Variants in P4HA3 observed in about 807,000 individuals in gnomAD.
The protein encoded by P4HA3 is prolyl 4-hydroxylase subunit alpha-3.
A neutral mutation model predicts 66.7 loss-of-function variants in P4HA3; 60 were observed. The ratio of observed to expected loss-of-function variants is 0.90; its 90% CI spans 0.73 to 1.12. The LOEUF (loss-of-function observed/expected upper bound fraction) is 1.12. Among genes scored for constraint, P4HA3 ranks in the 50% most tolerant of loss-of-function variants. P4HA3 has a pLI of 0.00. For missense variants in P4HA3, 683 were observed against 685.8 expected, an observed-to-expected ratio of 1.00 and a Z score of 0.05; for synonymous variants, 263 against 274.6, an observed-to-expected ratio of 0.96 and a Z score of 0.42.
intron 9 of P4HA3, among the ~76,000 whole-genome samples, chr11:74,275,184 G>A (rs570346424): frequency 5.9e-5 from 9 of 152,182 alleles, no homozygotes; most frequent in African/African-American, 1.9e-4. Flanking sequence ...AATTTGATAA[G>A]GTCCAATTTA....
chr11:74,270,050 GAC>G (rs986117462), intron 10 of P4HA3, among the ~76,000 whole-genome samples: 1 of 151,674 alleles, frequency 6.6e-6, no homozygotes. Context: ...AATGACCCAA[GAC>G]ACACACACAT....
intron 1 of P4HA3, among the ~76,000 whole-genome samples, chr11:74,305,713 T>C (rs1016232052): frequency 1.3e-5 from 2 of 152,026 alleles, no homozygotes; most frequent in African/African-American, 4.8e-5. Context: ...CAAGACGAGG[T>C]CTAATACTCA....
At chr11:74,287,180 G>T in intron 5 of P4HA3, 2 of 1,273,546 alleles carry the variant, frequency 1.6e-6, no homozygotes, top group Non-Finnish European at 2.0e-6. Flanking sequence ...TGGCCTGCTG[G>T]CCTCTTTGCA....
At chr11:74,263,206 T>G (rs537276115), downstream of P4HA3, among the ~76,000 whole-genome samples, 123 of 152,398 alleles carry the variant, frequency 8.1e-4, no homozygotes, top group African/African-American at 2.9e-3. Context: ...CGTCTTCTTT[T>G]CTTGGATTCT....
intron 7 of P4HA3, among the ~76,000 whole-genome samples, 186 bp from the exon 8 acceptor site, chr11:74,279,638 T>C (rs1860521667): frequency 6.6e-6 from 1 of 152,228 alleles, no homozygotes; most frequent in African/African-American, 2.4e-5. Context: ...TAAAAGATCA[T>C]AAGTGACCAA....
Position 74,306,393 on chromosome 11 carries a change from T to A in P4HA3, c.201-1981A>T, listed in dbSNP as rs188557276. ...TCCATTTCTAAAACACCAATGGAAT[T>A]TATATTACTGAAATTTATTATCTAT... On this transcript the variant is annotated intron_variant, in intron 1 of 12. Transcript: ENST00000331597. 2.5e-3 allele frequency among the ~76,000 whole-genome samples: 383 copies of A among 152,316 alleles called. 2 individuals carry two copies. Among genetic ancestry groups the A allele is most frequent in the Non-Finnish European group, 3.0e-3 (201 of 68,024 alleles).
chr11:74,291,923 C>CT (rs1861041829), intron 4 of P4HA3, among the ~76,000 whole-genome samples: 1 of 152,174 alleles, frequency 6.6e-6, no homozygotes, highest in African/African-American at 2.4e-5. Context: ...GGTTGTGTCT[C>CT]TGCCGGGCTT....
At chr11:74,251,066 C>T in intron 15 of P4HA3, 1 of 1,556,202 alleles carries the variant, frequency 6.4e-7, no homozygotes, top group Non-Finnish European at 8.7e-7. Flanking sequence ...TGAGAATAAC[C>T]CTGGATGTCA....
At chr11:74,270,740 T>C (rs927896895) in intron 10 of P4HA3, among the ~76,000 whole-genome samples, 4 of 152,226 alleles carry the variant, frequency 2.6e-5, no homozygotes, top group African/African-American at 9.6e-5. Context: ...GGCTCTTCCA[T>C]GATGGAGTCA....
rs567355387 is a variant in P4HA3, at chr11:74,291,926, C to G, written c.718-2796G>C. Among the ~76,000 whole-genome samples, 11 of 152,114 alleles carry G rather than the reference C, an allele frequency of 7.2e-5. No individual in the cohort carries two copies. The South Asian group carries it at 2.1e-3, about 29-fold the overall frequency. ...ATTCTCTTTTTTGGTTGTGTCTCTG[C>G]CGGGCTTTGGTATCAGGATGATGCT... On this transcript the variant is annotated intron_variant, in intron 4 of 12. Coordinates refer to ENST00000331597, the MANE Select transcript of P4HA3 (RefSeq NM_182904.5).
intron 10 of P4HA3, among the ~76,000 whole-genome samples, chr11:74,273,060 TCA>T (rs1459748404): frequency 6.6e-6 from 1 of 152,236 alleles, no homozygotes; most frequent in Admixed American, 6.5e-5. Context: ...TCACTAAACA[TCA>T]GAGGCAGCAC....
intron 1 of P4HA3, among the ~76,000 whole-genome samples, chr11:74,306,798 G>A (rs1425979205): frequency 6.6e-6 from 1 of 152,156 alleles, no homozygotes; most frequent in East Asian, 1.9e-4. Context: ...ATAAACTAAG[G>A]AACAAGAACC....
At position 74,311,229 on chromosome 11, in the gene P4HA3, G is replaced by T. The variant is rs543854731; in HGVS notation, c.200+183C>A. On this transcript the variant is annotated intron_variant, in intron 1 of 12. Coordinates refer to ENST00000331597, the MANE Select transcript of P4HA3 (RefSeq NM_182904.5). ...GACAATGGGTCTAGGGGGTCACACT[G>T]GCCCTCAGAGCCACTCCCCACCCCA... 4.4e-6 allele frequency: 3 copies of T among 674,302 alleles called. No individual in the cohort carries two copies. In the East Asian group the frequency reaches 1.0e-4, roughly 23 times the overall value. The allele number at this position is 674,302 out of a possible 1,614,324, so 41.8% of individuals were successfully genotyped here. A position where few individuals can be genotyped will look rare whatever the true frequency, so the allele number is the denominator to read the frequency against.
chr11:74,280,315 G>T (rs1309536379), intron 7 of P4HA3, among the ~76,000 whole-genome samples: 1 of 151,546 alleles, frequency 6.6e-6, no homozygotes, highest in Non-Finnish European at 1.5e-5. Context: ...CACCAAACCT[G>T]GCTAATTTAA....
chr11:74,261,054 C>G (rs1039949136), intron 14 of P4HA3, among the ~76,000 whole-genome samples: 1 of 152,224 alleles, frequency 6.6e-6, no homozygotes, highest in Non-Finnish European at 1.5e-5. Context: ...TGTGCTATAG[C>G]TTGTACCCGC....
chr11:74,289,902 A>C (rs1860950465), intron 4 of P4HA3, among the ~76,000 whole-genome samples: 1 of 152,178 alleles, frequency 6.6e-6, no homozygotes, highest in African/African-American at 2.4e-5. Flanking sequence ...TGCTATAAAC[A>C]TACATGTGCA....
At chr11:74,284,930 C>A (rs965346152) in intron 7 of P4HA3, among the ~76,000 whole-genome samples, 3 of 152,180 alleles carry the variant, frequency 2.0e-5, no homozygotes, top group African/African-American at 7.2e-5. Flanking sequence ...TCAGTTGAAG[C>A]CCTGCACCTT....
chr11:74,303,223 G>A (rs942884341), intron 2 of P4HA3, among the ~76,000 whole-genome samples: 1 of 151,290 alleles, frequency 6.6e-6, no homozygotes, highest in African/African-American at 2.4e-5. Flanking sequence ...CCAAAGTGTT[G>A]AGATTATTGG....
In P4HA3 at chr11:74,294,229, T is replaced by A. The variant is rs538204267; in HGVS notation, c.717+3983A>T. ...CCATCACTGATACCCTTTCTTCCAG[T>A]TGATTGCATCGGCTACTGAGGCTTC... On this transcript the variant is annotated intron_variant, in intron 4 of 12. Coordinates refer to ENST00000331597, the MANE Select transcript of P4HA3 (RefSeq NM_182904.5). 3.3e-5 allele frequency among the ~76,000 whole-genome samples: 5 copies of A among 152,364 alleles called. No individual in the cohort carries two copies. In the East Asian group the frequency reaches 9.6e-4, roughly 29 times the overall value.
Sources: gnomAD v4.1 joint callset for allele counts (sites outside exome capture counted in the v4.1 genomes callset) on GRCh38, gnomAD v4.1.1 for gene constraint, MANE v1.5 for transcripts, NCBI Gene and HGNC (gene_info 2026-07-23, HGNC 2026-07-21) for gene names.